BCLAF1: variants seen among roughly 807,000 people sequenced by gnomAD.
BCLAF1 encodes bcl-2-associated transcription factor 1.
BCLAF1 carries 10 observed loss-of-function variants against 99.5 expected under a neutral mutation model. The observed-to-expected ratio is 0.10, with a 90% CI of 0.06 to 0.17. BCLAF1 has a LOEUF of 0.17. Ranked by LOEUF, BCLAF1 falls within the 10% of genes least tolerant of loss-of-function variation. The pLI is 1.00. For missense variants in BCLAF1, 636 were observed against 1,105.8 expected, an observed-to-expected ratio of 0.58 and a Z score of 6.02; for synonymous variants, 255 against 370.9, an observed-to-expected ratio of 0.69 and a Z score of 3.59.
chr6:136,268,737 T>TA (rs1223778546), intron 9 of BCLAF1: 1 of 192,552 alleles, frequency 5.2e-6, no homozygotes, highest in Non-Finnish European at 1.1e-5. Context: ...AAATAGTTGG[T>TA]ATAGTTTGGG....
rs558480200 is a variant in BCLAF1 at position 136,279,744 on chromosome 6, T to A, written c.104+19A>T. 1.0e-4 allele frequency: 160 copies of A among 1,530,516 alleles called. 2 individuals are homozygous for A. In the South Asian group the frequency reaches 1.9e-3, roughly 18 times the overall value. The allele number at this position is 1,530,516 out of a possible 1,614,324, so 94.8% of individuals were successfully genotyped here. On this transcript the variant is annotated intron_variant, in intron 3 of 12. Coordinates refer to ENST00000531224, the MANE Select transcript of BCLAF1 (RefSeq NM_014739.3). ...TAACTGATATAATTATTTTAAAAAT[T>A]TAAAGCACATTAAATCACCTGTATC...
chr6:136,273,941 C>T, intron 6 of BCLAF1: 1 of 1,178,692 alleles, frequency 8.5e-7, no homozygotes, highest in Non-Finnish European at 1.1e-6. Context: ...AACAGGTCAA[C>T]ATACATCTGT....
chr6:136,284,507 T>C (rs1336500137), intron 1 of BCLAF1, among the ~76,000 whole-genome samples: 2 of 152,192 alleles, frequency 1.3e-5, no homozygotes, highest in East Asian at 1.9e-4. Context: ...AGAACAGTTA[T>C]CAGCAACAAA....
intron 11 of BCLAF1, 101 bp downstream of exon 11, chr6:136,266,928 T>C (rs1781799438): frequency 7.2e-7 from 1 of 1,398,044 alleles, no homozygotes; most frequent in Admixed American, 2.2e-5. Flanking sequence ...CACATAACGG[T>C]GAATCTTCTT....
chr6:136,274,126 T>G (rs1232380938), intron 6 of BCLAF1: 1 of 1,288,856 alleles, frequency 7.8e-7, no homozygotes. Context: ...ACTTTGCCTG[T>G]ATCTTTCAAC....
At chr6:136,278,863 T>C (rs1783957302) in intron 3 of BCLAF1, 87 bp from the exon 4 acceptor site, 1 of 1,264,050 alleles carries the variant, frequency 7.9e-7, no homozygotes, top group Non-Finnish European at 1.0e-6. Context: ...AACATGTAAA[T>C]AAACAGTAAA....
At chr6:136,284,968 G>T (rs1225859899) in intron 1 of BCLAF1, among the ~76,000 whole-genome samples, 2 of 152,134 alleles carry the variant, frequency 1.3e-5, no homozygotes, top group Non-Finnish European at 2.9e-5. Flanking sequence ...TTCACAGAGG[G>T]AAGACCATAC....
chr6:136,267,142 C>T lies in BCLAF1; in HGVS notation c.2431G>A (p.Val811Ile), dbSNP rs1247755229. 3 of 1,613,024 alleles carry T rather than the reference C, an allele frequency of 1.9e-6. No homozygotes were observed. Among genetic ancestry groups the T allele is most frequent in the South Asian group, 2.2e-5 (2 of 91,030 alleles). The change falls in exon 11 of 13, where the codon GTT becomes ATT. Residue 811 changes from valine to isoleucine, a missense_variant. Physicochemically the swap from Val to Ile is conservative, Grantham distance 29. This residue lies in a region of BCLAF1 where 30 missense variants were observed against 22.9 expected (regional missense o/e 1.31). Transcript: ENST00000531224. ...RIRGRGRARGVFAGTNTGPNN... is the reference protein window; with the variant it reads ...RIRGRGRARGIFAGTNTGPNN... ...GGACCAGTATTTGTCCCAGCAAAAA[C>T]TCCTCTGGCTCTTCCTCTGCCTCTA...
At position 136,259,862 on chromosome 6, in the gene BCLAF1, T is replaced by C. The variant is rs1228122147; in HGVS notation, c.*1248A>G. ...ATGCCCATAAAGCAGACACTTAACA[T>C]TGAAATTTACTATTTTAGATTTTCA... On this transcript the variant is annotated 3_prime_UTR_variant, in exon 13 of 13. Transcript: ENST00000531224. The C allele has an allele frequency of 2.0e-5, 3 of 152,030 alleles. No individual in the cohort carries two copies. Among genetic ancestry groups the C allele is most frequent in the Non-Finnish European group, 4.4e-5 (3 of 67,908 alleles). The allele number at this position is 152,030 out of a possible 1,614,324, so 9.4% of individuals were successfully genotyped here.
intron 4 of BCLAF1, 89 bp from the exon 5 acceptor site, chr6:136,276,597 GGA>G (rs1172447169): frequency 7.1e-7 from 1 of 1,416,756 alleles, no homozygotes; most frequent in African/African-American, 1.4e-5. Flanking sequence ...CAATCCCTCA[GGA>G]CCAGCAAGAG....
intron 11 of BCLAF1, among the ~76,000 whole-genome samples, chr6:136,265,200 C>A (rs1190380360): frequency 3.9e-5 from 6 of 152,096 alleles, no homozygotes; most frequent in African/African-American, 1.4e-4. Context: ...GTCTTTATCT[C>A]GTCTCTTCTG....
intron 1 of BCLAF1, among the ~76,000 whole-genome samples, chr6:136,285,314 T>C (rs1584109959): frequency 6.6e-6 from 1 of 151,822 alleles, no homozygotes; most frequent in South Asian, 2.1e-4. Flanking sequence ...GTACAGAGAG[T>C]GAGGAAAAAT....
rs931223273 is a variant in BCLAF1, at chr6:136,282,625, A to C, written c.-52T>G. The C allele has an allele frequency of 6.6e-6, 1 of 152,178 alleles. No homozygotes were observed. Among genetic ancestry groups the C allele is most frequent in the Admixed American group, 6.5e-5 (1 of 15,288 alleles). 9.4% of individuals were successfully genotyped at this position (152,178 alleles called of 1,614,324 possible). A position where few individuals can be genotyped will look rare whatever the true frequency, so the allele number is the denominator to read the frequency against. ...ATCAAGAAGTCAAGTGAAGTCTTTG[A>C]GATACTGTAAAAATTCTTCCTGGAG... On this transcript the variant is annotated 5_prime_UTR_variant, in exon 2 of 13. Coordinates refer to ENST00000531224, the MANE Select transcript of BCLAF1 (RefSeq NM_014739.3).
chr6:136,271,064 T>C (rs1290394824), intron 8 of BCLAF1, among the ~76,000 whole-genome samples: 4 of 151,826 alleles, frequency 2.6e-5, no homozygotes, highest in Admixed American at 2.0e-4. Flanking sequence ...ATTAAACTTG[T>C]ATACTACCAC....
At chr6:136,285,943 C>A (rs1785072114) in intron 1 of BCLAF1, among the ~76,000 whole-genome samples, 1 of 151,924 alleles carries the variant, frequency 6.6e-6, no homozygotes. Flanking sequence ...ACTAAAAATA[C>A]AAAAATCAGC....
At chr6:136,265,205 C>G (rs1162499021) in intron 11 of BCLAF1, among the ~76,000 whole-genome samples, 1 of 152,152 alleles carries the variant, frequency 6.6e-6, no homozygotes, top group Non-Finnish European at 1.5e-5. Flanking sequence ...TATCTCGTCT[C>G]TTCTGTGATC....
At chr6:136,288,910 C>T (rs1324798313) in intron 1 of BCLAF1, among the ~76,000 whole-genome samples, 1 of 152,194 alleles carries the variant, frequency 6.6e-6, no homozygotes, top group Non-Finnish European at 1.5e-5. Flanking sequence ...TGAAGAACCG[C>T]ACTTTCAGCC....
chr6:136,275,856 C>G lies in BCLAF1; in HGVS notation c.1669G>C (p.Asp557His). 6.2e-7 allele frequency: 1 copy of G among 1,612,390 alleles called. No homozygotes were observed. The highest frequency in any genetic ancestry group is 8.5e-7 in the Non-Finnish European group (1 of 1,179,270). ...ATATGGAATTACCTGTTAGAATCATCAAGAGGAACAGGTGCCATTTTGAGT... is the reference window on the plus strand; with the variant it reads ...ATATGGAATTACCTGTTAGAATCATGAAGAGGAACAGGTGCCATTTTGAGT... Reference protein sequence around the residue: ...VKLKMAPVPLDDSNRPASLTK... With the variant: ...VKLKMAPVPLHDSNRPASLTK... The change falls in exon 5 of 13, where the codon GAT (aspartate) becomes CAT (histidine). Residue 557 changes from aspartate to histidine, a missense_variant. Physicochemically the swap from Asp to His is moderately conservative, Grantham distance 81. Around this residue, in one of 9 missense-constraint regions of BCLAF1, gnomAD observed 20 missense variants for 66.2 expected, o/e 0.30. Transcript: ENST00000531224.
chr6:136,269,299 T>G (rs1265249697), intron 9 of BCLAF1, 138 bp downstream of exon 9: 1 of 1,530,754 alleles, frequency 6.5e-7, no homozygotes, highest in Non-Finnish European at 8.8e-7. Flanking sequence ...ACAAATACAT[T>G]TTTGCTGTAA....
Sources: gnomAD v4.1 joint callset for allele counts (sites outside exome capture counted in the v4.1 genomes callset) on GRCh38, gnomAD v4.1.1 for gene constraint, gnomAD v4.1.1 regional missense constraint, MANE v1.5 for transcripts, NCBI Gene and HGNC (gene_info 2026-07-23, HGNC 2026-07-21) for gene names.